Variants in ASIC2 observed in about 807,000 individuals in gnomAD.
ASIC2 encodes the protein acid sensing ion channel subunit 2, also known as acid-sensing ion channel 2.
In ASIC2, 25 loss-of-function variants were observed where a neutral mutation model predicts 57.3. The ratio of observed to expected loss-of-function variants is 0.44; its 90% confidence interval spans 0.32 to 0.61. ASIC2 has a LOEUF of 0.61. ASIC2 is among the 20% of genes least tolerant of loss of function. The pLI is 0.06. For synonymous variants in ASIC2, 319 were observed against 307.5 expected, an observed-to-expected ratio of 1.04 and a Z score of -0.39; for missense variants, 641 against 738.1, an observed-to-expected ratio of 0.87 and a Z score of 1.52.
chr17:33,336,798 A>G (rs985279509), intron 1 of ASIC2, among the ~76,000 whole-genome samples: 1 of 152,150 alleles, frequency 6.6e-6, no homozygotes. Flanking sequence ...ACTTTTGATT[A>G]TAGCTTAATC....
intron 1 of ASIC2, among the ~76,000 whole-genome samples, chr17:33,919,483 G>C (rs1313645462): frequency 3.3e-5 from 5 of 152,080 alleles, no homozygotes; most frequent in Admixed American, 2.0e-4. Context: ...AATGAAACTG[G>C]ATTCATACCC....
At chr17:34,087,777 C>T (rs992968830) in intron 1 of ASIC2, among the ~76,000 whole-genome samples, 1 of 152,064 alleles carries the variant, frequency 6.6e-6, no homozygotes, top group African/African-American at 2.4e-5. Context: ...CTTCTCACTT[C>T]ATTTCATTCA....
chr17:33,145,063 C>A (rs1394332240), intron 1 of ASIC2, among the ~76,000 whole-genome samples: 1 of 152,236 alleles, frequency 6.6e-6, no homozygotes, highest in Non-Finnish European at 1.5e-5. Flanking sequence ...CAGTTCCCTT[C>A]TTACTCAATA....
intron 1 of ASIC2, among the ~76,000 whole-genome samples, chr17:33,351,227 T>G (rs1224718051): frequency 6.6e-6 from 1 of 151,672 alleles, no homozygotes; most frequent in Non-Finnish European, 1.5e-5. Flanking sequence ...GCCCCCCTCC[T>G]CCCCTCCTCC....
chr17:33,992,315 G>A (rs1395758767), intron 1 of ASIC2, among the ~76,000 whole-genome samples: 1 of 152,138 alleles, frequency 6.6e-6, no homozygotes, highest in Non-Finnish European at 1.5e-5. Flanking sequence ...ACTGGCTGTC[G>A]ATGACATCAT....
chr17:33,673,498 C>T (rs1366627230), intron 1 of ASIC2, among the ~76,000 whole-genome samples: 5 of 152,138 alleles, frequency 3.3e-5, no homozygotes, highest in African/African-American at 4.8e-5. Context: ...TGATGCAAAC[C>T]CTTTTTTAAA....
intron 1 of ASIC2, among the ~76,000 whole-genome samples, chr17:33,507,354 G>A (rs1013078610): frequency 2.6e-5 from 4 of 152,252 alleles, no homozygotes; most frequent in East Asian, 1.9e-4. Context: ...ATAAATCATC[G>A]CTCTGTGGTT....
At chr17:33,820,523 T>A (rs1597889528) in intron 1 of ASIC2, among the ~76,000 whole-genome samples, 1 of 152,220 alleles carries the variant, frequency 6.6e-6, no homozygotes, top group African/African-American at 2.4e-5. Context: ...GCATGTTGGC[T>A]TTTTTCCCCT....
intron 1 of ASIC2, among the ~76,000 whole-genome samples, chr17:33,528,332 C>A (rs993984980): frequency 6.6e-6 from 1 of 152,138 alleles, no homozygotes; most frequent in African/African-American, 2.4e-5. Flanking sequence ...TTAATTAACA[C>A]CCCACCAGAC....
At chr17:33,288,369 C>A (rs1281152597) in intron 1 of ASIC2, among the ~76,000 whole-genome samples, 4 of 152,020 alleles carry the variant, frequency 2.6e-5, no homozygotes, top group Non-Finnish European at 5.9e-5. Flanking sequence ...GAAACCAAAC[C>A]AAGCAGAGGG....
intron 1 of ASIC2, among the ~76,000 whole-genome samples, chr17:33,761,194 G>A (rs1910766507): frequency 6.6e-6 from 1 of 152,078 alleles, no homozygotes; most frequent in Non-Finnish European, 1.5e-5. Context: ...CCAATCCATA[G>A]ACTATCCTGC....
rs542237373 is a variant in ASIC2, at chr17:33,852,498, T to C, written c.555+303480A>G. On this transcript the variant is annotated intron_variant, in intron 1 of 9. Coordinates refer to the ASIC2 transcript ENST00000359872. ...AAGGCACTATGATGGATTTTACATG[T>C]GTAAAAGATTTTACATGATCTTAAT... Among the ~76,000 whole-genome samples the C allele has an allele frequency of 3.3e-5, 5 of 152,318 alleles. No individual in the cohort carries two copies. The South Asian group carries it at 1.0e-3, about 32-fold the overall frequency.
intron 1 of ASIC2, among the ~76,000 whole-genome samples, chr17:33,940,350 T>G (rs1017680049): frequency 3.9e-5 from 6 of 152,192 alleles, no homozygotes; most frequent in Admixed American, 6.5e-5. Flanking sequence ...AACAGCAGTT[T>G]CCAGAGGGAT....
chr17:33,715,047 T>G (rs971752787), intron 1 of ASIC2, among the ~76,000 whole-genome samples: 2 of 151,240 alleles, frequency 1.3e-5, no homozygotes, highest in African/African-American at 2.4e-5. Flanking sequence ...TCACTTTGTC[T>G]GAAGTGCAGT....
intron 2 of ASIC2, among the ~76,000 whole-genome samples, chr17:33,095,405 C>A (rs571101945): frequency 6.6e-6 from 1 of 152,328 alleles, no homozygotes; most frequent in South Asian, 2.1e-4. Context: ...ACTGAGAGAT[C>A]TCTTGGGGAC....
chr17:33,240,907 C>G (rs1011217688), intron 1 of ASIC2, among the ~76,000 whole-genome samples: 1 of 152,166 alleles, frequency 6.6e-6, no homozygotes, highest in African/African-American at 2.4e-5. Context: ...TCGTGGCATG[C>G]CAATATCTGG....
intron 1 of ASIC2, among the ~76,000 whole-genome samples, chr17:33,348,369 G>A (rs1221419228): frequency 1.3e-5 from 2 of 152,080 alleles, no homozygotes; most frequent in Non-Finnish European, 2.9e-5. Flanking sequence ...ATGGTTAGGA[G>A]GCCACAAATG....
chr17:33,202,306 C>T lies in ASIC2; in HGVS notation c.708+89102G>A, dbSNP rs141906152. ...CAGGGACAGCTGCGGGTTCATTATG[C>T]GTGATGAGTTTGGGAGGGAGAAAAT... On this transcript the variant is annotated intron_variant, in intron 1 of 9. Coordinates refer to ENST00000225823, the MANE Select transcript of ASIC2 (RefSeq NM_183377.2). Among the ~76,000 whole-genome samples, 969 of 152,248 alleles carry T rather than the reference C, an allele frequency of 6.4e-3. 9 individuals are homozygous for T. Among genetic ancestry groups the T allele is most frequent in the African/African-American group, 0.022 (918 of 41,550 alleles).
intron 1 of ASIC2, among the ~76,000 whole-genome samples, chr17:33,980,513 A>C (rs2785061): frequency 0.92 from 140,413 of 152,250 alleles, 64,995 homozygotes; most frequent in Non-Finnish European, 0.97. Context: ...GGAAAGGATG[A>C]GAATCTTGGG....
Sources: allele counts gnomAD v4.1 joint callset (sites outside exome capture counted in the v4.1 genomes callset), GRCh38; gene constraint gnomAD v4.1.1; transcripts MANE v1.5; gene names NCBI Gene and HGNC (gene_info 2026-07-23, HGNC 2026-07-21).